The following ABCC11 variants were observed in gnomAD, a reference collection of about 807,000 sequenced individuals.
The protein encoded by ABCC11 is ATP-binding cassette sub-family C member 11.
In ABCC11, 135 loss-of-function variants were observed where a neutral mutation model predicts 149.3. The ratio of observed to expected loss-of-function variants is 0.90; its 90% CI spans 0.79 to 1.04. ABCC11 has a LOEUF of 1.04. ABCC11 is among the 50% of genes least tolerant of loss of function. The probability of loss-of-function intolerance (pLI) is 0.00; values close to 1 mark genes in which losing one functional copy is unlikely to be tolerated. For missense variants in ABCC11, 1,680 were observed against 1,722.1 expected, an observed-to-expected ratio of 0.98 and a Z score of 0.43; for synonymous variants, 665 against 671.4, an observed-to-expected ratio of 0.99 and a Z score of 0.15.
intron 20 of ABCC11, among the ~76,000 whole-genome samples, chr16:48,188,686 T>C (rs1303378762): frequency 6.6e-6 from 1 of 152,178 alleles, no homozygotes; most frequent in African/African-American, 2.4e-5. Flanking sequence ...ACTTACTCAT[T>C]ACGCAAGTGG....
Position 48,205,367 on chromosome 16 carries a change from C to A in ABCC11, c.1805+46G>T, listed in dbSNP as rs181853068. Reference sequence around the variant, plus strand: ...GTTTGAAGCTGGAGGTGCCCCCAGACCAGCCACATGCCCTGTACTCTCCCT... The same window carrying A: ...GTTTGAAGCTGGAGGTGCCCCCAGAACAGCCACATGCCCTGTACTCTCCCT... On this transcript the variant is annotated intron_variant, in intron 13 of 29. Coordinates refer to ENST00000356608, the MANE Select transcript of ABCC11 (RefSeq NM_001370497.1). The A allele has an allele frequency of 8.4e-5, 136 of 1,609,508 alleles. No homozygotes were observed. The African/African-American group carries it at 1.7e-3, about 21-fold the overall frequency.
chr16:48,184,296 G>T, intron 23 of ABCC11, 144 bp downstream of exon 23: 1 of 989,720 alleles, frequency 1.0e-6, no homozygotes. Flanking sequence ...AATTTCAGAA[G>T]GCCAAGCACA....
intron 1 of ABCC11, among the ~76,000 whole-genome samples, chr16:48,244,951 C>T (rs1026732071): frequency 1.3e-4 from 20 of 152,316 alleles, no homozygotes; most frequent in African/African-American, 4.8e-4. Flanking sequence ...TTTTAACTTT[C>T]CAGGCCCTTT....
At chr16:48,216,009 G>A in intron 7 of ABCC11, 105 bp downstream of exon 7, 1 of 1,249,376 alleles carries the variant, frequency 8.0e-7, no homozygotes, top group Non-Finnish European at 1.1e-6. Flanking sequence ...ACAATGGATT[G>A]AAAGGTCAAC....
chr16:48,194,104 G>T, intron 18 of ABCC11, 122 bp from the exon 19 acceptor site: 3 of 661,034 alleles, frequency 4.5e-6, no homozygotes, highest in Non-Finnish European at 7.9e-6. Context: ...ACCCAATGTG[G>T]ACACCTTGGA....
chr16:48,170,603 C>T (rs1965653809), intron 27 of ABCC11, among the ~76,000 whole-genome samples: 3 of 152,228 alleles, frequency 2.0e-5, no homozygotes, highest in South Asian at 2.1e-4. Context: ...CCTGCATTTA[C>T]TTGTTGCCTT....
intron 14 of ABCC11, 67 bp downstream of exon 14, chr16:48,203,161 T>C: frequency 2.7e-6 from 4 of 1,458,462 alleles, no homozygotes; most frequent in South Asian, 1.2e-5. Context: ...CTTCCCTGCC[T>C]GGGGAGGCAG....
At chr16:48,232,816 G>GA (rs1238939050) in intron 1 of ABCC11, among the ~76,000 whole-genome samples, 1 of 152,194 alleles carries the variant, frequency 6.6e-6, no homozygotes, top group Non-Finnish European at 1.5e-5. Context: ...ATTTGAACAA[G>GA]AAGACCCACA....
At chr16:48,191,011 T>G (rs897521336) in intron 20 of ABCC11, among the ~76,000 whole-genome samples, 4 of 151,848 alleles carry the variant, frequency 2.6e-5, no homozygotes, top group Non-Finnish European at 4.4e-5. Flanking sequence ...AGTTTGAGGG[T>G]AGGGAGGGAG....
intron 23 of ABCC11, among the ~76,000 whole-genome samples, chr16:48,180,702 A>C (rs1233229838): frequency 6.6e-6 from 1 of 152,208 alleles, no homozygotes; most frequent in Non-Finnish European, 1.5e-5. Flanking sequence ...GAGGGAGCAC[A>C]TTGAGGTCAG....
intron 6 of ABCC11, among the ~76,000 whole-genome samples, chr16:48,220,037 AATCC>A (rs1456896898): frequency 1.8e-3 from 271 of 152,350 alleles, no homozygotes; most frequent in African/African-American, 6.2e-3. Context: ...ACTGCCTAGA[AATCC>A]TTACTTCAGA....
rs533976718 is a variant in ABCC11 at position 48,190,365 on chromosome 16, T to G, written c.2706+2155A>C. Among the ~76,000 whole-genome samples, 8 of 144,860 alleles carry G rather than the reference T, an allele frequency of 5.5e-5. No homozygotes were observed. The East Asian group carries it at 5.9e-4, about 11-fold the overall frequency. ...AGTGTGATACCATAAGCAATTTGGT[T>G]TTTTTTTTTTTAAATGAGATAGGGT... is the stretch of plus-strand genomic sequence containing the variant. On this transcript the variant is annotated intron_variant, in intron 20 of 29. Transcript: ENST00000356608.
rs1182356621 is a variant in ABCC11, at chr16:48,231,835, T to C, written c.87A>G (p.Ser29=). 1.2e-6 allele frequency: 2 copies of C among 1,614,048 alleles called. No homozygotes were observed. The highest frequency in any genetic ancestry group is 1.7e-6 in the Non-Finnish European group (2 of 1,179,998). The change falls in exon 2 of 30, where the codon TCA becomes TCG. Residue 29 remains serine (S), a synonymous_variant. Transcript: ENST00000356608. ...GAGATCTACTTACATAAATAAGTCC[T>C]GAAACCATGTCATCGCCTATGTCGA... ...RGIDIGDDMV[S]GLIYKTYTLQ... is the part of the protein sequence containing the mutation.
At chr16:48,230,864 T>C (rs13338105) in intron 2 of ABCC11, among the ~76,000 whole-genome samples, 19,895 of 152,070 alleles carry the variant, frequency 0.13, 1,615 homozygotes, top group African/African-American at 0.23. Context: ...GTTAGTTACC[T>C]GCAGAATGAG....
intron 27 of ABCC11, 53 bp downstream of exon 27, chr16:48,170,836 C>T (rs527257339): frequency 1.3e-6 from 2 of 1,519,606 alleles, no homozygotes; most frequent in Non-Finnish European, 1.8e-6. Context: ...AAGGGGCAGC[C>T]CCCCATGGGC....
chr16:48,216,264 A>G lies in ABCC11; in HGVS notation c.801T>C (p.Asp267=), dbSNP rs755424312. The change falls in exon 7 of 30, where the codon GAT becomes GAC. Residue 267 remains aspartate, a synonymous_variant. Transcript: ENST00000356608. ...SGEAISFFTG[D]VNYLFEGVCY... is the part of the protein sequence containing the mutation. ...ACACCCCTTCAAACAGGTAGTTTAC[A>G]TCACCGGTGAAGAAGCTGATGGCCT... 1 of 1,613,498 alleles carries G rather than the reference A, an allele frequency of 6.2e-7. No homozygotes were observed. The highest frequency in any genetic ancestry group is 8.5e-7 in the Non-Finnish European group (1 of 1,179,898).
intron 28 of ABCC11, among the ~76,000 whole-genome samples, chr16:48,168,828 G>A (rs1965504488): frequency 6.6e-6 from 1 of 152,132 alleles, no homozygotes; most frequent in Non-Finnish European, 1.5e-5. Context: ...TTCACAAGTG[G>A]GAGTTGAACA....
At chr16:48,171,518 C>G (rs1965720652) in intron 26 of ABCC11, among the ~76,000 whole-genome samples, 1 of 152,210 alleles carries the variant, frequency 6.6e-6, no homozygotes, top group Admixed American at 6.5e-5. Context: ...TCATTAGAGG[C>G]CACTTTTCCT....
At chr16:48,176,320 T>C (rs1966068921) in intron 25 of ABCC11, among the ~76,000 whole-genome samples, 1 of 152,072 alleles carries the variant, frequency 6.6e-6, no homozygotes, top group South Asian at 2.1e-4. Flanking sequence ...CAGTAGTTTT[T>C]GAACAATGCA....
Sources: allele counts gnomAD v4.1 joint callset (sites outside exome capture counted in the v4.1 genomes callset), GRCh38; gene constraint gnomAD v4.1.1; transcripts MANE v1.5; gene names NCBI Gene and HGNC (gene_info 2026-07-23, HGNC 2026-07-21).